Variants in MAP4K4 observed in about 807,000 individuals in gnomAD.
MAP4K4 encodes the protein mitogen-activated protein kinase kinase kinase kinase 4.
In MAP4K4, 38 loss-of-function variants were observed where a neutral mutation model predicts 189.6. The observed-to-expected ratio is 0.20, with a 90% CI of 0.15 to 0.26. The LOEUF is 0.26. Among genes scored for constraint, MAP4K4 ranks in the 10% least tolerant of loss-of-function variants. MAP4K4 has a pLI of 1.00. For missense variants in MAP4K4, 1,054 were observed against 1,726.9 expected, an observed-to-expected ratio of 0.61 and a Z score of 6.91; for synonymous variants, 610 against 624.3, an observed-to-expected ratio of 0.98 and a Z score of 0.34.
At chr2:101,702,696 G>A (rs2149167677) in intron 2 of MAP4K4, among the ~76,000 whole-genome samples, 1 of 152,348 alleles carries the variant, frequency 6.6e-6, no homozygotes, top group East Asian at 1.9e-4. Context: ...CAGGTAAAAT[G>A]TCTGAAATCA....
chr2:101,859,761 A>C, exon 15 of MAP4K4: 4 of 1,610,558 alleles, frequency 2.5e-6, no homozygotes, highest in Non-Finnish European at 3.4e-6. Flanking sequence ...CCGCACCCGC[A>C]GCACTCGCAG....
intron 2 of MAP4K4, among the ~76,000 whole-genome samples, chr2:101,698,952 T>A (rs1042681058): frequency 6.6e-6 from 1 of 152,204 alleles, no homozygotes; most frequent in Non-Finnish European, 1.5e-5. Context: ...AAAATTGTCA[T>A]CATGTTTCAG....
intron 2 of MAP4K4, among the ~76,000 whole-genome samples, chr2:101,700,808 T>A (rs993163971): frequency 3.3e-5 from 5 of 151,646 alleles, no homozygotes; most frequent in Non-Finnish European, 7.4e-5. Context: ...CTATAACAAG[T>A]TCTTTAATGT....
intron 2 of MAP4K4, among the ~76,000 whole-genome samples, chr2:101,786,230 A>C (rs1291986005): frequency 2.0e-5 from 3 of 152,192 alleles, no homozygotes; most frequent in African/African-American, 7.2e-5. Context: ...GAGGCAGACA[A>C]ATAGGCTGCC....
intron 2 of MAP4K4, among the ~76,000 whole-genome samples, chr2:101,773,376 C>T (rs1459880241): frequency 6.6e-6 from 1 of 152,198 alleles, no homozygotes; most frequent in Non-Finnish European, 1.5e-5. Flanking sequence ...GAAAATAGGC[C>T]GAAGGCCCAG....
chr2:101,858,032 G>A (rs147386619), intron 13 of MAP4K4, among the ~76,000 whole-genome samples: 300 of 152,240 alleles, frequency 2.0e-3, no homozygotes, highest in Middle Eastern at 0.014. Flanking sequence ...CTTGTAAAAT[G>A]TTTTATGCTT....
chr2:101,699,411 C>T (rs1265356676), intron 2 of MAP4K4, among the ~76,000 whole-genome samples: 1 of 151,922 alleles, frequency 6.6e-6, no homozygotes. Flanking sequence ...GGAATGGAGG[C>T]GCAGGCCTTG....
At chr2:101,797,290 T>C (rs1289906649) in intron 3 of MAP4K4, 1 of 1,290,886 alleles carries the variant, frequency 7.7e-7, no homozygotes, top group Non-Finnish European at 1.0e-6. Flanking sequence ...AGCTTCGTAC[T>C]GGCTTCTTCT....
At chr2:101,870,527 C>T in intron 23 of MAP4K4, 112 bp downstream of exon 23, 1 of 1,447,934 alleles carries the variant, frequency 6.9e-7, no homozygotes, top group South Asian at 1.3e-5. Flanking sequence ...TTCATGTTAA[C>T]AAGTCCCAGA....
intron 28 of MAP4K4, among the ~76,000 whole-genome samples, chr2:101,882,909 T>G (rs1476848711): frequency 6.6e-6 from 1 of 152,148 alleles, no homozygotes; most frequent in Non-Finnish European, 1.5e-5. Flanking sequence ...CATAACAGAG[T>G]TCGTCCCTGC....
intron 6 of MAP4K4, among the ~76,000 whole-genome samples, chr2:101,830,256 A>G (rs1279854837): frequency 6.6e-6 from 1 of 152,160 alleles, no homozygotes; most frequent in Non-Finnish European, 1.5e-5. Context: ...GGAATGCAGC[A>G]AATAGTGTAT....
At chr2:101,770,873 G>A (rs2081099608) in intron 2 of MAP4K4, among the ~76,000 whole-genome samples, 1 of 152,112 alleles carries the variant, frequency 6.6e-6, no homozygotes, top group South Asian at 2.1e-4. Flanking sequence ...GCTAAATTGT[G>A]ACCAGAATCT....
chr2:101,741,846 T>TA (rs1336887968), intron 2 of MAP4K4, among the ~76,000 whole-genome samples: 1 of 151,912 alleles, frequency 6.6e-6, no homozygotes, highest in Non-Finnish European at 1.5e-5. Flanking sequence ...ATTTGAAAAA[T>TA]AAAAAAAATT....
chr2:101,740,936 T>C (rs992749289), intron 2 of MAP4K4, among the ~76,000 whole-genome samples: 3 of 152,136 alleles, frequency 2.0e-5, no homozygotes, highest in Non-Finnish European at 4.4e-5. Context: ...GACCCTGAAC[T>C]GTTTACCCTT....
intron 20 of MAP4K4, 154 bp downstream of exon 20, chr2:101,867,463 G>T: frequency 1.6e-6 from 1 of 607,008 alleles, no homozygotes; most frequent in South Asian, 2.0e-5. Flanking sequence ...AGACATACTT[G>T]TTCCCTTCCA....
At chr2:101,804,133 C>A (rs1281360125) in intron 3 of MAP4K4, among the ~76,000 whole-genome samples, 1 of 152,164 alleles carries the variant, frequency 6.6e-6, no homozygotes, top group Non-Finnish European at 1.5e-5. Flanking sequence ...CGTTAGCCTG[C>A]AACATCTGTG....
chr2:101,867,870 A>G (rs1456235362), intron 20 of MAP4K4, 159 bp from the exon 21 acceptor site: 1 of 686,928 alleles, frequency 1.5e-6, no homozygotes, highest in Admixed American at 2.2e-5. Flanking sequence ...GTAATTGTGC[A>G]CGCTTTGTGG....
intron 3 of MAP4K4, among the ~76,000 whole-genome samples, chr2:101,808,811 T>C (rs1483702980): frequency 2.0e-5 from 3 of 152,122 alleles, no homozygotes; most frequent in Non-Finnish European, 4.4e-5. Flanking sequence ...TGTGTGTGTG[T>C]GTGTGTAAAG....
chr2:101,865,099 C>A, intron 18 of MAP4K4, 63 bp downstream of exon 18: 2 of 1,017,010 alleles, frequency 2.0e-6, no homozygotes, highest in Middle Eastern at 2.1e-4. Flanking sequence ...CTTACATTGT[C>A]TGTTTCATAA....
Sources: gnomAD v4.1 joint callset for allele counts (sites outside exome capture counted in the v4.1 genomes callset) on GRCh38, gnomAD v4.1.1 for gene constraint, MANE v1.5 for transcripts, NCBI Gene and HGNC (gene_info 2026-07-23, HGNC 2026-07-21) for gene names.